Variants in SLC37A1 observed in about 807,000 individuals in gnomAD.
SLC37A1 encodes glucose-6-phosphate exchanger SLC37A1.
In SLC37A1, 49 loss-of-function variants were observed where a neutral mutation model predicts 75.3. The observed-to-expected ratio is 0.65, with a 90% CI of 0.52 to 0.83. The LOEUF (loss-of-function observed/expected upper bound fraction) is 0.83. Ranked by LOEUF, SLC37A1 falls within the 40% of genes least tolerant of loss-of-function variation. The probability of loss-of-function intolerance (pLI) is 0.00; values close to 1 mark genes in which losing one functional copy is unlikely to be tolerated. For missense variants in SLC37A1, 566 were observed against 695.0 expected, an observed-to-expected ratio of 0.81 and a Z score of 2.09; for synonymous variants, 268 against 292.1, an observed-to-expected ratio of 0.92 and a Z score of 0.84.
upstream of SLC37A1, among the ~76,000 whole-genome samples, chr21:42,510,863 G>A (rs920584070): frequency 3.0e-4 from 45 of 152,046 alleles, no homozygotes; most frequent in African/African-American, 1.1e-3. Context: ...ATATATTAAC[G>A]GAACTCAAGA....
chr21:42,557,530 A>C (rs1601743258), intron 10 of SLC37A1, among the ~76,000 whole-genome samples: 1 of 152,222 alleles, frequency 6.6e-6, no homozygotes, highest in Admixed American at 6.5e-5. Flanking sequence ...ATTCCAGAGC[A>C]CCTGACTATG....
intron 6 of SLC37A1, among the ~76,000 whole-genome samples, chr21:42,541,550 G>A (rs909496706): frequency 6.6e-6 from 1 of 152,198 alleles, no homozygotes; most frequent in African/African-American, 2.4e-5. Flanking sequence ...ACTCAAGTCA[G>A]GGATTCTTCA....
At chr21:42,561,943 T>C in intron 11 of SLC37A1, 135 bp from the exon 12 acceptor site, 1 of 718,664 alleles carries the variant, frequency 1.4e-6, no homozygotes, top group Non-Finnish European at 2.5e-6. Flanking sequence ...CCCCAGTACG[T>C]GTCTGGAGGT....
chr21:42,525,403 C>G (rs1283243266), intron 2 of SLC37A1, among the ~76,000 whole-genome samples: 1 of 152,234 alleles, frequency 6.6e-6, no homozygotes, highest in African/African-American at 2.4e-5. Context: ...CTGATGCTGA[C>G]TCCTGGAAGA....
chr21:42,570,171 GCCAT>G (rs1420111691), intron 17 of SLC37A1, among the ~76,000 whole-genome samples: 5 of 107,398 alleles, frequency 4.7e-5, no homozygotes, highest in Admixed American at 1.0e-4. Flanking sequence ...GGGCAGGGTG[GCCAT>G]TGCCATGTGA....
chr21:42,541,538 A>C (rs2055282614), intron 6 of SLC37A1, among the ~76,000 whole-genome samples: 1 of 152,214 alleles, frequency 6.6e-6, no homozygotes. Context: ...TCCCTTCATG[A>C]AACTCAAGTC....
At chr21:42,566,946 A>AGGGC (rs766678100) in intron 15 of SLC37A1, 39 bp from the exon 16 acceptor site, 1 of 1,589,984 alleles carries the variant, frequency 6.3e-7, no homozygotes, top group South Asian at 1.1e-5. Context: ...GGCTCTCTGG[A>AGGGC]GGGCACATTT....
intron 3 of SLC37A1, among the ~76,000 whole-genome samples, chr21:42,528,318 G>A (rs914784531): frequency 6.6e-5 from 10 of 152,210 alleles, no homozygotes; most frequent in African/African-American, 1.9e-4. Flanking sequence ...CAGGACTCAA[G>A]GCAAGCGTCT....
intron 16 of SLC37A1, 149 bp downstream of exon 16, chr21:42,567,207 C>T (rs1170267472): frequency 6.6e-5 from 48 of 730,556 alleles, no homozygotes; most frequent in Admixed American, 2.2e-5. Context: ...CCAGCCTTCC[C>T]GCACCTGCCC....
chr21:42,512,321 T>C (rs1407581783), upstream of SLC37A1, among the ~76,000 whole-genome samples: 1 of 151,880 alleles, frequency 6.6e-6, no homozygotes, highest in Non-Finnish European at 1.5e-5. Flanking sequence ...GTAAAACCTG[T>C]AGGTGATGGG....
chr21:42,526,078 T>C (rs1356879641), intron 3 of SLC37A1: 1 of 477,398 alleles, frequency 2.1e-6, no homozygotes, highest in African/African-American at 2.0e-5. Context: ...ACTTTTAGTT[T>C]TATTAGTTGA....
rs1161313598 is a variant in SLC37A1 at position 42,530,654 on chromosome 21, A to ACACACACACCC, written c.139-4043_139-4042insACACACACCCC. On this transcript the variant is annotated intron_variant, in intron 3 of 19. Transcript: ENST00000352133. Reference sequence around the variant, plus strand: ...CACACACACACACACACACACACACACCCCCTCTGTGTTGGCTGAAGGTGG... The same window carrying ACACACACACCC: ...CACACACACACACACACACACACACACACACACACCCCCCCCTCTGTGTTGGCTGAAGGTGG... Among the ~76,000 whole-genome samples the ACACACACACCC allele has an allele frequency of 1.7e-3, 62 of 35,894 alleles. 5 individuals carry two copies. Among genetic ancestry groups the ACACACACACCC allele is most frequent in the Non-Finnish European group, 2.3e-3 (44 of 19,104 alleles). The allele number at this position is 35,894 out of a possible 152,430, so 23.5% of individuals were successfully genotyped here. A position where few individuals can be genotyped will look rare whatever the true frequency, so the allele number is the denominator to read the frequency against.
At chr21:42,546,284 T>G (rs1475437261) in intron 8 of SLC37A1, among the ~76,000 whole-genome samples, 1 of 152,230 alleles carries the variant, frequency 6.6e-6, no homozygotes, top group East Asian at 1.9e-4. Flanking sequence ...AAGCCTCACT[T>G]CTGGTTCTGT....
chr21:42,529,490 G>T (rs1172050293), intron 3 of SLC37A1, among the ~76,000 whole-genome samples: 1 of 152,022 alleles, frequency 6.6e-6, no homozygotes, highest in Non-Finnish European at 1.5e-5. Context: ...GGAGGCGAAT[G>T]TTGCAGTGAG....
chr21:42,536,823 T>C (rs1459851862), intron 5 of SLC37A1, among the ~76,000 whole-genome samples: 1 of 152,192 alleles, frequency 6.6e-6, no homozygotes, highest in Admixed American at 6.5e-5. Flanking sequence ...CATTCCTTCG[T>C]CAAGGCGGAT....
chr21:42,565,388 C>A (rs1252341913), intron 14 of SLC37A1, among the ~76,000 whole-genome samples: 6 of 152,274 alleles, frequency 3.9e-5, no homozygotes, highest in Admixed American at 1.3e-4. Flanking sequence ...TTTCAGCCAT[C>A]TTGGGGTTCT....
At chr21:42,574,138 A>G (rs1431332609) in intron 17 of SLC37A1, among the ~76,000 whole-genome samples, 1 of 152,256 alleles carries the variant, frequency 6.6e-6, no homozygotes, top group Non-Finnish European at 1.5e-5. Flanking sequence ...TTCAGCATGT[A>G]CTTCCTAAAA....
intron 1 of SLC37A1, among the ~76,000 whole-genome samples, chr21:42,516,519 C>T (rs1479413816): frequency 6.6e-6 from 1 of 152,182 alleles, no homozygotes; most frequent in Non-Finnish European, 1.5e-5. Flanking sequence ...GAGGAAGGGC[C>T]TCATTAGTTG....
At position 42,549,723 on chromosome 21, in the gene SLC37A1, T is replaced by C. The variant is rs573420426; in HGVS notation, c.768+2583T>C. On this transcript the variant is annotated intron_variant, in intron 9 of 19. Coordinates refer to ENST00000352133, the MANE Select transcript of SLC37A1 (RefSeq NM_001320537.2). ...CTGTCCTTCTGTAGTATCTTCCCTT[T>C]ATCACAAATGGGAGCTTTTGGGCAA... Among the ~76,000 whole-genome samples, 6 of 152,318 alleles carry C rather than the reference T, an allele frequency of 3.9e-5. No individual in the cohort carries two copies. The East Asian group carries it at 1.2e-3, about 29-fold the overall frequency.
Sources: allele counts gnomAD v4.1 joint callset (sites outside exome capture counted in the v4.1 genomes callset), GRCh38; gene constraint gnomAD v4.1.1; transcripts MANE v1.5; gene names NCBI Gene and HGNC (gene_info 2026-07-23, HGNC 2026-07-21).